The following SOX5 variants were observed in gnomAD, a reference collection of about 807,000 sequenced individuals.
SOX5 encodes transcription factor SOX-5.
SOX5 carries 9 observed loss-of-function variants against 92.0 expected under a neutral mutation model. That is an observed-to-expected ratio of 0.10 (90% CI 0.06 to 0.17). SOX5 has a LOEUF of 0.17. SOX5 is among the 10% of genes least tolerant of loss of function. The pLI is 1.00. For missense variants in SOX5, 642 were observed against 944.5 expected (o/e 0.68, Z 4.20); for synonymous variants, 344 against 336.3 (o/e 1.02, Z -0.25).
chr12:24,013,073 CATTTT>C (rs1953145738), intron 4 of SOX5, among the ~76,000 whole-genome samples: 1 of 152,166 alleles, frequency 6.6e-6, no homozygotes, highest in African/African-American at 2.4e-5. Context: ...ATCATCTTCA[CATTTT>C]ATTTCCCTAC....
chr12:23,994,801 A>G (rs764561648), intron 4 of SOX5, among the ~76,000 whole-genome samples: 7 of 152,232 alleles, frequency 4.6e-5, no homozygotes, highest in Non-Finnish European at 8.8e-5. Context: ...AAACCTTCAC[A>G]GAAAAAAATG....
intron 3 of SOX5, among the ~76,000 whole-genome samples, chr12:24,231,784 C>T (rs1369383171): frequency 6.6e-6 from 1 of 152,204 alleles, no homozygotes; most frequent in Non-Finnish European, 1.5e-5. Context: ...ATGTACTCTA[C>T]TTGGTCTAAG....
chr12:23,946,322 G>A (rs768732603), intron 1 of SOX5, among the ~76,000 whole-genome samples: 5 of 151,794 alleles, frequency 3.3e-5, no homozygotes, highest in African/African-American at 4.8e-5. Flanking sequence ...TTAAGCAATC[G>A]TCTTACACTT....
chr12:24,027,530 A>C (rs763214933), intron 4 of SOX5, among the ~76,000 whole-genome samples: 10 of 151,962 alleles, frequency 6.6e-5, no homozygotes, highest in Non-Finnish European at 1.5e-4. Context: ...CTCTGATGCC[A>C]TGCCCACATC....
chr12:23,970,365 T>C (rs939679880), intron 4 of SOX5, among the ~76,000 whole-genome samples: 1 of 152,152 alleles, frequency 6.6e-6, no homozygotes, highest in Non-Finnish European at 1.5e-5. Context: ...ATTCACAATG[T>C]TGTGCAACAA....
chr12:24,204,382 G>C (rs1338370573), intron 4 of SOX5, among the ~76,000 whole-genome samples: 1 of 151,856 alleles, frequency 6.6e-6, no homozygotes, highest in East Asian at 1.9e-4. Flanking sequence ...AGGCTGGAGT[G>C]CAGTGGCACA....
intron 8 of SOX5, among the ~76,000 whole-genome samples, chr12:23,637,736 C>A (rs565828246): frequency 3.3e-5 from 5 of 152,076 alleles, no homozygotes; most frequent in African/African-American, 1.2e-4. Context: ...AGCTAAAAAC[C>A]GAAAGACTCC....
intron 3 of SOX5, among the ~76,000 whole-genome samples, chr12:23,762,787 T>C (rs1340464630): frequency 6.6e-6 from 1 of 152,168 alleles, no homozygotes; most frequent in East Asian, 1.9e-4. Flanking sequence ...GAATATCTTT[T>C]ATCACATGAT....
intron 3 of SOX5, among the ~76,000 whole-genome samples, chr12:23,800,812 CACCATATATATAGCCTTT>C (rs1384102019): frequency 5.9e-5 from 9 of 152,104 alleles, no homozygotes; most frequent in Non-Finnish European, 1.3e-4. Flanking sequence ...CCATTAACAA[CACCATATATATAGCCTTT>C]ACCTGTTTGC....
intron 6 of SOX5, among the ~76,000 whole-genome samples, chr12:23,679,125 G>T (rs1178161137): frequency 6.6e-6 from 1 of 152,060 alleles, no homozygotes; most frequent in East Asian, 1.9e-4. Context: ...CTTTTTCTAT[G>T]CAGAGCCTCC....
At chr12:23,672,555 T>C (rs2084970778) in intron 6 of SOX5, among the ~76,000 whole-genome samples, 1 of 152,046 alleles carries the variant, frequency 6.6e-6, no homozygotes, top group Non-Finnish European at 1.5e-5. Flanking sequence ...GATAGAGAAA[T>C]AATCCAGTCA....
intron 2 of SOX5, among the ~76,000 whole-genome samples, chr12:23,875,704 A>G (rs1032760496): frequency 6.6e-6 from 1 of 152,170 alleles, no homozygotes; most frequent in African/African-American, 2.4e-5. Flanking sequence ...TTAAGTTTGA[A>G]GCAATGCTAG....
intron 1 of SOX5, among the ~76,000 whole-genome samples, chr12:24,440,435 G>A (rs1430691550): frequency 6.6e-6 from 1 of 152,126 alleles, no homozygotes; most frequent in Non-Finnish European, 1.5e-5. Context: ...AGTTGTGAAA[G>A]TGTGGCTCAT....
At chr12:24,035,518 C>G (rs1013014074) in intron 4 of SOX5, among the ~76,000 whole-genome samples, 1 of 151,934 alleles carries the variant, frequency 6.6e-6, no homozygotes, top group Non-Finnish European at 1.5e-5. Context: ...CAAGAAACAA[C>G]ATAGAAGAAA....
intron 2 of SOX5, among the ~76,000 whole-genome samples, chr12:24,298,252 T>A (rs924739582): frequency 6.6e-6 from 1 of 152,032 alleles, no homozygotes. Context: ...GTGTTTTCTG[T>A]CGAGAAAGGT....
intron 4 of SOX5, among the ~76,000 whole-genome samples, chr12:24,089,308 A>G (rs895885488): frequency 6.6e-6 from 1 of 152,106 alleles, no homozygotes; most frequent in Non-Finnish European, 1.5e-5. Context: ...CAGTTTCTAT[A>G]TACAGTCACT....
chr12:23,846,556 T>C (rs79032937), intron 2 of SOX5, among the ~76,000 whole-genome samples: 5,249 of 152,340 alleles, frequency 0.034, 110 homozygotes, highest in South Asian at 0.056. Flanking sequence ...TTTATTTTCC[T>C]GCTTTTGTTT....
chr12:23,558,340 G>A (rs1945598328), intron 11 of SOX5, among the ~76,000 whole-genome samples: 1 of 152,182 alleles, frequency 6.6e-6, no homozygotes, highest in Admixed American at 6.5e-5. Flanking sequence ...TAGCCAATGA[G>A]ATGTTTGTGG....
chr12:24,020,850 T>C (rs1007331014), intron 4 of SOX5, among the ~76,000 whole-genome samples: 1 of 152,168 alleles, frequency 6.6e-6, no homozygotes, highest in Non-Finnish European at 1.5e-5. Flanking sequence ...TCTCAAACTA[T>C]TCTCAATCGC....
Sources: gnomAD v4.1 joint callset for allele counts (sites outside exome capture counted in the v4.1 genomes callset) on GRCh38, gnomAD v4.1.1 for gene constraint, MANE v1.5 for transcripts, NCBI Gene and HGNC (gene_info 2026-07-23, HGNC 2026-07-21) for gene names.